Variants in THSD4 observed in about 807,000 individuals in gnomAD.
THSD4 encodes the protein thrombospondin type 1 domain containing 4, also known as thrombospondin type-1 domain-containing protein 4.
Under a neutral mutation model 119.0 loss-of-function variants are expected in THSD4, and 69 were observed. The observed-to-expected ratio is 0.58, with a 90% CI of 0.48 to 0.71. The LOEUF (loss-of-function observed/expected upper bound fraction) is 0.71, where lower values mean the gene tolerates loss of function less well. Among genes scored for constraint, THSD4 ranks in the 30% least tolerant of loss-of-function variants. The pLI is 0.00. For missense variants in THSD4, 1,393 were observed against 1,391.1 expected, an observed-to-expected ratio of 1.00 and a Z score of -0.02; for synonymous variants, 524 against 540.4, an observed-to-expected ratio of 0.97 and a Z score of 0.42.
chr15:71,564,047 G>T (rs559565777), intron 7 of THSD4, among the ~76,000 whole-genome samples: 1 of 152,036 alleles, frequency 6.6e-6, no homozygotes, highest in African/African-American at 2.4e-5. Flanking sequence ...ATAGTTTTTT[G>T]CAGCATCGTA....
At chr15:71,161,136 T>G (rs183371359) in intron 3 of THSD4, among the ~76,000 whole-genome samples, 1 of 152,134 alleles carries the variant, frequency 6.6e-6, no homozygotes. Context: ...ATTATCTTTT[T>G]AAATTTGTTA....
chr15:71,360,354 T>C (rs1348274104), intron 6 of THSD4, among the ~76,000 whole-genome samples: 1 of 152,166 alleles, frequency 6.6e-6, no homozygotes, highest in Non-Finnish European at 1.5e-5. Context: ...CTAGCACATT[T>C]TACTGGTCAA....
At chr15:71,199,548 T>G (rs1313222795) in intron 3 of THSD4, among the ~76,000 whole-genome samples, 1 of 137,490 alleles carries the variant, frequency 7.3e-6, no homozygotes, top group African/African-American at 3.0e-5. Context: ...TGTGTATGTG[T>G]GGTGTGTGTA....
chr15:71,219,668 A>G (rs2043959730), intron 4 of THSD4, among the ~76,000 whole-genome samples: 1 of 152,222 alleles, frequency 6.6e-6, no homozygotes, highest in African/African-American at 2.4e-5. Context: ...CCCATGTTGA[A>G]GCACGTCTCC....
intron 8 of THSD4, among the ~76,000 whole-genome samples, chr15:71,714,658 C>T (rs2052573025): frequency 6.6e-6 from 1 of 152,026 alleles, no homozygotes; most frequent in Admixed American, 6.6e-5. Context: ...ACCAGCCTGA[C>T]CAACATGGTG....
intron 8 of THSD4, among the ~76,000 whole-genome samples, chr15:71,710,716 G>A (rs2052493579): frequency 6.6e-6 from 1 of 152,184 alleles, no homozygotes; most frequent in Non-Finnish European, 1.5e-5. Flanking sequence ...CTTATGACCT[G>A]CAGTGAGCAG....
At chr15:71,218,606 C>T (rs1345886605) in intron 4 of THSD4, among the ~76,000 whole-genome samples, 1 of 152,134 alleles carries the variant, frequency 6.6e-6, no homozygotes, top group African/African-American at 2.4e-5. Context: ...CAAATATTAG[C>T]CTAGGAGGCC....
chr15:71,747,701 A>G (rs911300750), intron 13 of THSD4, among the ~76,000 whole-genome samples: 2 of 152,244 alleles, frequency 1.3e-5, no homozygotes, highest in Non-Finnish European at 2.9e-5. Context: ...AAACTTCATG[A>G]GTCAGAAATA....
At chr15:71,544,050 A>G (rs1325952849) in intron 7 of THSD4, among the ~76,000 whole-genome samples, 1 of 152,082 alleles carries the variant, frequency 6.6e-6, no homozygotes. Flanking sequence ...ATAAAAAAAG[A>G]GTCATGGATG....
At chr15:71,442,787 T>TA (rs2047127592) in intron 7 of THSD4, among the ~76,000 whole-genome samples, 1 of 147,662 alleles carries the variant, frequency 6.8e-6, no homozygotes, top group Non-Finnish European at 1.5e-5. Flanking sequence ...TGCTTTGGTA[T>TA]AGGCTGTTCC....
Position 71,224,749 on chromosome 15 carries a change from C to T in THSD4, c.464+9350C>T, listed in dbSNP as rs559133642. On this transcript the variant is annotated intron_variant, in intron 4 of 17. Coordinates refer to ENST00000261862, the MANE Select transcript of THSD4 (RefSeq NM_024817.3). Reference sequence around the variant, plus strand: ...CTACTTGCATTGGCTCGTGGCCCCTCCTCCCATCACTCTAATCTCTTGCTT... The same window carrying T: ...CTACTTGCATTGGCTCGTGGCCCCTTCTCCCATCACTCTAATCTCTTGCTT... Among the ~76,000 whole-genome samples the T allele has an allele frequency of 3.1e-3, 472 of 152,294 alleles. 4 individuals carry two copies. Among genetic ancestry groups the T allele is most frequent in the Non-Finnish European group, 5.1e-3 (350 of 68,032 alleles).
chr15:71,546,311 G>T (rs990451066), intron 7 of THSD4, among the ~76,000 whole-genome samples: 1 of 151,980 alleles, frequency 6.6e-6, no homozygotes. Context: ...ATAGCACCTT[G>T]AGCCCACTCT....
At chr15:71,494,488 C>T (rs1307480593) in intron 7 of THSD4, among the ~76,000 whole-genome samples, 1 of 152,192 alleles carries the variant, frequency 6.6e-6, no homozygotes, top group African/African-American at 2.4e-5. Flanking sequence ...AGCTTTCAAG[C>T]AACTGAAGTC....
At chr15:71,308,265 A>G (rs1361664223) in intron 6 of THSD4, among the ~76,000 whole-genome samples, 1 of 152,192 alleles carries the variant, frequency 6.6e-6, no homozygotes, top group Non-Finnish European at 1.5e-5. Flanking sequence ...TGAGCATCGC[A>G]GGCCTGCTGA....
In THSD4 at chr15:71,468,976, A is replaced by G. The variant is rs569987766; in HGVS notation, c.1152+57153A>G. Among the ~76,000 whole-genome samples, 14 of 152,336 alleles carry G rather than the reference A, an allele frequency of 9.2e-5. No homozygotes were observed. In the East Asian group the frequency reaches 2.5e-3, roughly 27 times the overall value. On this transcript the variant is annotated intron_variant, in intron 7 of 17. Coordinates refer to ENST00000261862, the MANE Select transcript of THSD4 (RefSeq NM_024817.3). ...AATGTAGTCTTTATTCTGGGCAGGT[A>G]TTTGCGTGTCTGAAACCTGGTGGTT...
intron 3 of THSD4, among the ~76,000 whole-genome samples, chr15:71,210,832 A>G (rs2043882484): frequency 6.6e-6 from 1 of 152,186 alleles, no homozygotes. Flanking sequence ...GATAAATTAC[A>G]TTCCATTGTT....
At chr15:71,376,580 G>GA (rs2046139608) in intron 6 of THSD4, among the ~76,000 whole-genome samples, 1 of 152,114 alleles carries the variant, frequency 6.6e-6, no homozygotes, top group Non-Finnish European at 1.5e-5. Flanking sequence ...TCTGCCCTGA[G>GA]AAAAACAAAT....
intron 6 of THSD4, among the ~76,000 whole-genome samples, chr15:71,403,193 C>T (rs773123891): frequency 7.2e-5 from 11 of 152,100 alleles, no homozygotes; most frequent in South Asian, 2.1e-4. Flanking sequence ...GGATCCCACA[C>T]GTTCTACTTT....
intron 6 of THSD4, among the ~76,000 whole-genome samples, chr15:71,354,964 G>A (rs2045789472): frequency 6.6e-6 from 1 of 152,160 alleles, no homozygotes; most frequent in Admixed American, 6.5e-5. Context: ...CTTACGTTTA[G>A]TGAATGGACA....
Sources: allele counts gnomAD v4.1 joint callset (sites outside exome capture counted in the v4.1 genomes callset), GRCh38; gene constraint gnomAD v4.1.1; transcripts MANE v1.5; gene names NCBI Gene and HGNC (gene_info 2026-07-23, HGNC 2026-07-21).